The following LAMC1 variants were observed in gnomAD, a reference collection of about 807,000 sequenced individuals.
The protein encoded by LAMC1 is laminin subunit gamma-1.
Under a neutral mutation model 173.6 loss-of-function variants are expected in LAMC1, and 38 were observed. The observed-to-expected ratio is 0.22, with a 90% CI of 0.17 to 0.29. The LOEUF is 0.29. LAMC1 is among the 10% of genes least tolerant of loss of function. The pLI, the probability that LAMC1 is intolerant of heterozygous loss-of-function variation, is 1.00. For synonymous variants in LAMC1, 746 were observed against 749.1 expected (o/e 1.00, Z 0.07); for missense variants, 1,824 against 2,051.8 (o/e 0.89, Z 2.14).
At chr1:183,095,006 C>A (rs1655656839) in intron 1 of LAMC1, among the ~76,000 whole-genome samples, 1 of 152,100 alleles carries the variant, frequency 6.6e-6, no homozygotes, top group African/African-American at 2.4e-5. Flanking sequence ...CCACCACACC[C>A]AGCTAATTTT....
At chr1:183,055,599 G>A (rs540190491) in intron 1 of LAMC1, among the ~76,000 whole-genome samples, 1 of 152,072 alleles carries the variant, frequency 6.6e-6, no homozygotes, top group East Asian at 2.0e-4. Context: ...AGATCACAAG[G>A]TCAAGAGATT....
chr1:183,130,004 A>C (rs943752800), intron 18 of LAMC1, among the ~76,000 whole-genome samples: 6 of 152,224 alleles, frequency 3.9e-5, no homozygotes, highest in East Asian at 1.9e-4. Context: ...ACTAAATTGC[A>C]TGTGCTGGTA....
Position 183,117,730 on chromosome 1 carries a change from T to TAGCC in LAMC1, c.1877+8_1877+11dup, listed in dbSNP as rs777477384. The TAGCC allele has an allele frequency of 2.1e-5, 33 of 1,607,146 alleles. No individual in the cohort carries two copies. The East Asian group carries it at 7.4e-4, about 36-fold the overall frequency. ...CTGTGAAGTATGTCTTCAGGTAAGA[T>TAGCC]AGCCTTCTTTGTAAAGTGAGACTTG... On this transcript the variant is annotated splice_region_variant and intron_variant, in intron 10 of 27. Transcript: ENST00000258341.
At chr1:183,081,148 A>T (rs1484869191) in intron 1 of LAMC1, among the ~76,000 whole-genome samples, 1 of 152,034 alleles carries the variant, frequency 6.6e-6, no homozygotes, top group Non-Finnish European at 1.5e-5. Flanking sequence ...CGGCCTCCCA[A>T]AAGTGCTGGG....
At chr1:183,059,590 T>G (rs569663888) in intron 1 of LAMC1, among the ~76,000 whole-genome samples, 2 of 152,292 alleles carry the variant, frequency 1.3e-5, no homozygotes, top group African/African-American at 4.8e-5. Context: ...GGCCACCTAA[T>G]TTCAGTGAAG....
chr1:183,136,613 C>G, intron 25 of LAMC1, 28 bp downstream of exon 25: 9 of 1,541,524 alleles, frequency 5.8e-6, no homozygotes, highest in Non-Finnish European at 7.9e-6. Flanking sequence ...TCCAAGAGTC[C>G]CTGCCCATAT....
chr1:183,114,276 G>C (rs1656252024), intron 4 of LAMC1, among the ~76,000 whole-genome samples: 1 of 152,128 alleles, frequency 6.6e-6, no homozygotes, highest in Non-Finnish European at 1.5e-5. Context: ...TCACCGTGTT[G>C]GCCAGGCTGG....
intron 1 of LAMC1, among the ~76,000 whole-genome samples, chr1:183,034,220 C>T (rs572871862): frequency 5.9e-5 from 9 of 152,252 alleles, no homozygotes; most frequent in Middle Eastern, 3.4e-3. Context: ...TAGATTTATT[C>T]GTAATGTATT....
intron 13 of LAMC1, 71 bp downstream of exon 13, chr1:183,122,322 A>C: frequency 7.0e-7 from 1 of 1,438,400 alleles, no homozygotes; most frequent in South Asian, 1.3e-5. Context: ...GGGGCTTCGG[A>C]GTTGTTTTGG....
Position 183,121,780 on chromosome 1 carries a change from C to G in LAMC1, c.2048C>G (p.Pro683Arg), listed in dbSNP as rs1656481682. Residue 683 changes from proline to arginine, a missense_variant, in exon 12 of 28, where the codon CCT (proline) becomes CGT (arginine). Transcript: ENST00000258341. ...LASARPGPGV[P>R]ATWVESCTCP... Reference sequence around the variant, plus strand: ...AGTGCTCGTCCTGGGCCTGGAGTCCCTGCAACTTGGGTGGAGTCCTGCACC... The same window carrying G: ...AGTGCTCGTCCTGGGCCTGGAGTCCGTGCAACTTGGGTGGAGTCCTGCACC... 1.9e-6 allele frequency: 3 copies of G among 1,614,182 alleles called. No individual in the cohort carries two copies. Among genetic ancestry groups the G allele is most frequent in the Middle Eastern group, 1.6e-4 (1 of 6,062 alleles).
intron 11 of LAMC1, among the ~76,000 whole-genome samples, chr1:183,118,624 G>A (rs1035224464): frequency 1.3e-5 from 2 of 151,960 alleles, no homozygotes; most frequent in African/African-American, 2.4e-5. Flanking sequence ...TTGGGTGGCT[G>A]AGGGATGAGA....
chr1:183,053,284 C>T (rs1654483897), intron 1 of LAMC1, among the ~76,000 whole-genome samples: 1 of 152,164 alleles, frequency 6.6e-6, no homozygotes, highest in South Asian at 2.1e-4. Context: ...TGTATTGCCA[C>T]CTAGTCAGTA....
intron 1 of LAMC1, among the ~76,000 whole-genome samples, chr1:183,057,358 T>TG (rs1249827243): frequency 2.6e-5 from 4 of 152,242 alleles, no homozygotes; most frequent in African/African-American, 7.2e-5. Context: ...TTGCTATCTT[T>TG]GATGGGTAAG....
intron 1 of LAMC1, among the ~76,000 whole-genome samples, chr1:183,101,854 ACCT>A (rs1162434391): frequency 6.6e-6 from 1 of 152,256 alleles, no homozygotes; most frequent in East Asian, 1.9e-4. Context: ...AGTTAATCCA[ACCT>A]CCTCTAAGAT....
rs1472977118 is a variant in LAMC1, at chr1:183,128,476, A to ATTT, written c.3124-118_3124-117insTTT. ...CTTAAAGTATAATAATAATTAAAAAAAAAAAAAAAGAACTACATATTCATG... is the reference window on the plus strand; with the variant it reads ...CTTAAAGTATAATAATAATTAAAAAATTTAAAAAAAAAGAACTACATATTCATG... On this transcript the variant is annotated intron_variant, in intron 17 of 27. Coordinates refer to ENST00000258341, the MANE Select transcript of LAMC1 (RefSeq NM_002293.4). 1.7e-3 allele frequency: 1,172 copies of ATTT among 685,942 alleles called. 11 individuals carry two copies. In the African/African-American group the frequency reaches 0.021, roughly 12 times the overall value. 42.5% of individuals were successfully genotyped at this position (685,942 alleles called of 1,614,324 possible). A position where few individuals can be genotyped will look rare whatever the true frequency, so the allele number is the denominator to read the frequency against.
chr1:183,031,620 T>G (rs907508000), intron 1 of LAMC1, among the ~76,000 whole-genome samples: 5 of 152,206 alleles, frequency 3.3e-5, no homozygotes, highest in Admixed American at 2.6e-4. Flanking sequence ...CTTTACTTGT[T>G]CATTTTTCCT....
chr1:183,113,794 GC>G (rs1274903573), intron 4 of LAMC1, among the ~76,000 whole-genome samples: 1 of 152,296 alleles, frequency 6.6e-6, no homozygotes, highest in East Asian at 1.9e-4. Flanking sequence ...CTCATCTGAG[GC>G]CTAAAAAGTT....
intron 1 of LAMC1, among the ~76,000 whole-genome samples, chr1:183,065,925 TC>T (rs1307084902): frequency 6.6e-6 from 1 of 152,190 alleles, no homozygotes; most frequent in Non-Finnish European, 1.5e-5. Flanking sequence ...AGTCTCAATT[TC>T]CATGTTAATA....
chr1:183,121,008 C>G (rs1157243048), intron 11 of LAMC1, among the ~76,000 whole-genome samples: 1 of 152,210 alleles, frequency 6.6e-6, no homozygotes, highest in Non-Finnish European at 1.5e-5. Context: ...CTTTTCCCCC[C>G]ACACTCTTGT....
Sources: allele counts gnomAD v4.1 joint callset (sites outside exome capture counted in the v4.1 genomes callset), GRCh38; gene constraint gnomAD v4.1.1; transcripts MANE v1.5; gene names NCBI Gene and HGNC (gene_info 2026-07-23, HGNC 2026-07-21).